ZNF81: variants seen among roughly 807,000 people sequenced by gnomAD.
ZNF81 encodes zinc finger protein 81, also known as zinc finger protein 81 (HFZ20).
A neutral mutation model predicts 32.3 loss-of-function variants in ZNF81; 5 were observed. The ratio of observed to expected loss-of-function variants is 0.15; its 90% CI spans 0.08 to 0.33. The LOEUF (loss-of-function observed/expected upper bound fraction) is 0.33. ZNF81 is among the 10% of genes least tolerant of loss of function. The probability of loss-of-function intolerance (pLI) is 1.00; values close to 1 mark genes in which losing one functional copy is unlikely to be tolerated. For missense variants in ZNF81, 379 were observed against 479.8 expected (o/e 0.79, Z 1.96); for synonymous variants, 163 against 166.8 (o/e 0.98, Z 0.17).
intron 2 of ZNF81, among the ~76,000 whole-genome samples, chrX:47,879,966 G>A (rs1556884960): frequency 8.9e-6 from 1 of 112,345 alleles, no homozygotes; most frequent in Non-Finnish European, 1.9e-5. Flanking sequence ...TTGTATTCTT[G>A]TGGTGTTATT....
intron 4 of ZNF81, among the ~76,000 whole-genome samples, chrX:47,911,986 T>C (rs2058740858): frequency 9.1e-6 from 1 of 110,410 alleles, no homozygotes; most frequent in Non-Finnish European, 1.9e-5. Context: ...ACAAGTAGAA[T>C]GTAAGCTCAC....
chrX:47,913,178 G>A (rs192930501), intron 4 of ZNF81, among the ~76,000 whole-genome samples: 11 of 111,802 alleles, frequency 9.8e-5, no homozygotes, highest in Admixed American at 2.8e-4. Context: ...TTGCTGATAA[G>A]CAAGATTAGT....
intron 2 of ZNF81, among the ~76,000 whole-genome samples, chrX:47,882,669 G>A (rs1556885296): frequency 8.9e-6 from 1 of 112,829 alleles, no homozygotes; most frequent in African/African-American, 3.2e-5. Context: ...TAAATTATAT[G>A]GTAGGTATAT....
chrX:47,919,296 T>C lies in ZNF81; in HGVS notation c.*2664T>C, dbSNP rs2058768228. 2 of 295,992 alleles carry C rather than the reference T, an allele frequency of 6.8e-6. No individual in the cohort carries two copies. The highest frequency in any genetic ancestry group is 6.4e-5 in the South Asian group (2 of 31,450). 24.4% of individuals were successfully genotyped at this position (295,992 alleles called of 1,213,427 possible). ...TCAGTTAGGATAATTTCTATTGATC[T>C]GTCTTCAAATTCACTGATGTTTTTT... On this transcript the variant is annotated 3_prime_UTR_variant, in exon 5 of 5. Coordinates refer to ENST00000338637, the MANE Select transcript of ZNF81 (RefSeq NM_007137.5).
rs145853401 is a variant in ZNF81 at position 47,897,717 on chromosome X, G to A, written c.277+1777G>A. Among the ~76,000 whole-genome samples, 541 of 111,777 alleles carry A rather than the reference G, an allele frequency of 4.8e-3. 4 individuals carry two copies. Among genetic ancestry groups the A allele is most frequent in the African/African-American group, 0.017 (520 of 30,711 alleles). The stretch of plus-strand genomic sequence containing the variant: ...GGTCTGTGATTCATTTTTCAATACT[G>A]ATATCTAATTGTTCCAGAAACATTT... On this transcript the variant is annotated intron_variant, in intron 4 of 4. Transcript: ENST00000338637.
At chrX:47,861,407 T>C (rs2058539931) in intron 2 of ZNF81, among the ~76,000 whole-genome samples, 2 of 112,132 alleles carry the variant, frequency 1.8e-5, no homozygotes, top group Admixed American at 1.9e-4. Flanking sequence ...TCTGCAGAAA[T>C]GTGAGAGCCC....
chrX:47,872,000 C>T (rs2058582344), intron 2 of ZNF81, among the ~76,000 whole-genome samples: 1 of 112,164 alleles, frequency 8.9e-6, no homozygotes, highest in South Asian at 3.7e-4. Flanking sequence ...GGGGAGAGAC[C>T]ATAGCGAATC....
intron 2 of ZNF81, among the ~76,000 whole-genome samples, chrX:47,867,213 A>G (rs2058563422): frequency 1.8e-5 from 2 of 111,761 alleles, no homozygotes; most frequent in South Asian, 7.5e-4. Context: ...ACATTTCCCT[A>G]TGTAACAAAC....
At chrX:47,863,704 C>T (rs2058549798) in intron 2 of ZNF81, among the ~76,000 whole-genome samples, 1 of 112,068 alleles carries the variant, frequency 8.9e-6, no homozygotes, top group South Asian at 3.7e-4. Flanking sequence ...ATGGTGCAGA[C>T]ACCTCCTTGA....
chrX:47,838,918 C>T (rs2058435736), intron 1 of ZNF81, among the ~76,000 whole-genome samples: 1 of 111,623 alleles, frequency 9.0e-6, no homozygotes, highest in African/African-American at 3.3e-5. Context: ...TCCTGAGTAG[C>T]TGGGACTCCA....
chrX:47,879,051 C>G (rs1281374158), intron 2 of ZNF81, among the ~76,000 whole-genome samples: 1 of 111,663 alleles, frequency 9.0e-6, no homozygotes, highest in Non-Finnish European at 1.9e-5. Context: ...TCTTCTTCCT[C>G]ACTCTTCTTC....
intron 2 of ZNF81, among the ~76,000 whole-genome samples, chrX:47,859,169 A>T (rs1387777496): frequency 2.7e-5 from 3 of 111,369 alleles, no homozygotes; most frequent in Non-Finnish European, 5.7e-5. Flanking sequence ...GGTTACCTTT[A>T]TAACATTAAT....
intron 3 of ZNF81, among the ~76,000 whole-genome samples, chrX:47,895,415 G>A (rs1242441876): frequency 9.0e-6 from 1 of 111,650 alleles, no homozygotes; most frequent in Admixed American, 9.5e-5. Context: ...TGTCACTGGG[G>A]TGATGTATTC....
At chrX:47,862,501 C>T (rs1344320590) in intron 2 of ZNF81, among the ~76,000 whole-genome samples, 4 of 99,035 alleles carry the variant, frequency 4.0e-5, no homozygotes, top group South Asian at 4.8e-4. Context: ...CCAGCCCAGG[C>T]GACAAGTGAG....
At chrX:47,841,488 G>A in intron 1 of ZNF81, 1 of 1,036,210 alleles carries the variant, frequency 9.7e-7, no homozygotes, top group Non-Finnish European at 1.3e-6. Flanking sequence ...TTCACTTCTA[G>A]TCGTCTGAGA....
At chrX:47,855,469 A>G (rs2058513013) in intron 2 of ZNF81, among the ~76,000 whole-genome samples, 1 of 111,231 alleles carries the variant, frequency 9.0e-6, no homozygotes, top group Non-Finnish European at 1.9e-5. Flanking sequence ...TATATTGGGT[A>G]TATTTCTGGA....
Position 47,841,615 on chromosome X carries a change from G to C in ZNF81, c.-163-4490G>C, listed in dbSNP as rs1304386416. 5 of 1,107,159 alleles carry C rather than the reference G, an allele frequency of 4.5e-6. No individual in the cohort carries two copies. In the African/African-American group the frequency reaches 9.1e-5, roughly 20 times the overall value. The allele number at this position is 1,107,159 out of a possible 1,213,427, so 91.2% of individuals were successfully genotyped here. ...TTGCCAAAAGTGCCTGCTTTGCCTG[G>C]GTGGCTTTGAGGGCTTGATAAACCT... On this transcript the variant is annotated intron_variant, in intron 1 of 4. Transcript: ENST00000338637.
chrX:47,887,627 G>A (rs2058647023), intron 2 of ZNF81, among the ~76,000 whole-genome samples: 1 of 111,663 alleles, frequency 9.0e-6, no homozygotes, highest in Non-Finnish European at 1.9e-5. Flanking sequence ...GAAAGCAACA[G>A]GAGAGGGAGC....
chrX:47,879,152 C>T (rs1286355194), intron 2 of ZNF81, among the ~76,000 whole-genome samples: 1 of 111,511 alleles, frequency 9.0e-6, no homozygotes, highest in Non-Finnish European at 1.9e-5. Flanking sequence ...ACCTTAATAC[C>T]GTATGCAACC....
Sources: allele counts gnomAD v4.1 joint callset (sites outside exome capture counted in the v4.1 genomes callset), GRCh38; gene constraint gnomAD v4.1.1; transcripts MANE v1.5; gene names NCBI Gene and HGNC (gene_info 2026-07-23, HGNC 2026-07-21).